NUTM1: variants seen among roughly 807,000 people sequenced by gnomAD.
The protein encoded by NUTM1 is NUT family member 1.
NUTM1 carries 39 observed loss-of-function variants against 88.7 expected under a neutral mutation model. The observed-to-expected ratio is 0.44, with a 90% CI of 0.34 to 0.57. The LOEUF is 0.57. Ranked by LOEUF, NUTM1 falls within the 20% of genes least tolerant of loss-of-function variation. The pLI is 0.01. For missense variants in NUTM1, 1,350 were observed against 1,414.5 expected (o/e 0.95, Z 0.73); for synonymous variants, 494 against 538.0 (o/e 0.92, Z 1.13).
intron 5 of NUTM1, 124 bp from the exon 6 acceptor site, chr15:34,354,322 A>T (rs1336899118): frequency 2.8e-6 from 3 of 1,072,964 alleles, no homozygotes; most frequent in African/African-American, 1.6e-5. Context: ...GGGAGGCAGA[A>T]GCTGTGGTTT....
rs1890769835 is a variant in NUTM1 at position 34,354,682 on chromosome 15, C to A, written c.1312C>A (p.Leu438Ile). The A allele has an allele frequency of 1.9e-6, 3 of 1,614,058 alleles. No homozygotes were observed. The highest frequency in any genetic ancestry group is 1.6e-4 in the Middle Eastern group (1 of 6,084). ...GGAAGGGATGTATCCAGATCCAGGT[C>A]TCCTGAGCTACATCAATGAGCTGTG... ...EEEGMYPDPGLLSYINELCSQ... is the reference protein window; with the variant it reads ...EEEGMYPDPGILSYINELCSQ... Residue 438 changes from leucine to isoleucine, a missense_variant, in exon 6 of 8, where the codon CTC (leucine) becomes ATC (isoleucine). This residue lies in a region of NUTM1 where 126 missense variants were observed against 189.8 expected (regional missense o/e 0.66). Coordinates refer to ENST00000537011, the MANE Select transcript of NUTM1 (RefSeq NM_001284292.2).
At position 34,356,895 on chromosome 15, in the gene NUTM1, A is replaced by AG; in HGVS notation, c.2890dup (p.Val964GlyfsTer4). The AG allele has an allele frequency of 6.2e-7, 1 of 1,613,476 alleles. No homozygotes were observed. The highest frequency in any genetic ancestry group is 8.5e-7 in the Non-Finnish European group (1 of 1,179,936). ...TTCTTATGACCCCCAAGGAGAAGGC[A>AG]GGGTGGATCCTGATCTGTCCAAGCC... On this transcript the variant is annotated frameshift_variant, in exon 8 of 8. Coordinates refer to ENST00000537011, the MANE Select transcript of NUTM1 (RefSeq NM_001284292.2). LOFTEE classifies it high-confidence loss of function.
Position 34,356,636 on chromosome 15 carries a change from T to C in NUTM1, c.2628T>C (p.Asp876=), listed in dbSNP as rs1208074507. 6.2e-7 allele frequency: 1 copy of C among 1,613,922 alleles called. No homozygotes were observed. The highest frequency in any genetic ancestry group is 2.2e-5 in the East Asian group (1 of 44,876). Residue 876 remains aspartate, a synonymous_variant, in exon 8 of 8, where the codon GAT becomes GAC. Transcript: ENST00000537011. ...GCTTCCCATTGCTAGAAAGTGGTGA[T>C]TCCACACTGGGGTCTTCCAAAGAAA... ...EGCFPLLESG[D]STLGSSKETL... is the part of the protein sequence containing the mutation.
chr15:34,354,523 C>G lies in NUTM1; in HGVS notation c.1153C>G (p.Pro385Ala). The stretch of plus-strand genomic sequence containing the variant: ...GCGTAAAGCCCAGAGACCTCCTGCT[C>G]CTGAGGCACCCAAGGAGATCCCACC... ...RQRKAQRPPA[P>A]EAPKEIPPEA... The change falls in exon 6 of 8, where the codon CCT (proline) becomes GCT (alanine). Residue 385 changes from proline (P) to alanine (A), a missense_variant. Coordinates refer to ENST00000537011, the MANE Select transcript of NUTM1 (RefSeq NM_001284292.2). The G allele has an allele frequency of 1.2e-6, 2 of 1,614,212 alleles. No individual in the cohort carries two copies. The highest frequency in any genetic ancestry group is 1.1e-5 in the South Asian group (1 of 91,080).
intron 2 of NUTM1, among the ~76,000 whole-genome samples, chr15:34,347,508 T>C (rs1024041852): frequency 7.9e-5 from 12 of 152,114 alleles, no homozygotes; most frequent in African/African-American, 2.9e-4. Context: ...TCCTTCCACC[T>C]TGGCCTCCCA....
chr15:34,353,617 A>AG, intron 4 of NUTM1, 119 bp from the exon 5 acceptor site: 1 of 1,193,900 alleles, frequency 8.4e-7, no homozygotes, highest in African/African-American at 1.5e-5. Flanking sequence ...GACATGACTT[A>AG]GGCAGACTTT....
Position 34,355,536 on chromosome 15 carries a change from G to C in NUTM1, c.1528G>C (p.Ala510Pro). 6.2e-7 allele frequency: 1 copy of C among 1,614,112 alleles called. No homozygotes were observed. Among genetic ancestry groups the C allele is most frequent in the Non-Finnish European group, 8.5e-7 (1 of 1,179,952 alleles). ...MALEEEEDAEAPPSFSGAQLD... is the reference protein window; with the variant it reads ...MALEEEEDAEPPPSFSGAQLD... ...CTTGGAAGAGGAGGAAGATGCAGAG[G>C]CGCCTCCAAGTTTCAGTGGCGCTCA... Residue 510 changes from alanine to proline, a missense_variant, in exon 8 of 8, where the codon GCG becomes CCG. By Grantham distance (27) the Ala-to-Pro change is conservative. This residue lies in a region of NUTM1 where 126 missense variants were observed against 189.8 expected (regional missense o/e 0.66). Transcript: ENST00000537011. This position sits in a 1 kb window ranked among gnomAD's most constrained non-coding sequence, Gnocchi z 4.3.
At chr15:34,353,986 G>A (rs550339880) in intron 5 of NUTM1, 114 bp downstream of exon 5, 1 of 1,224,720 alleles carries the variant, frequency 8.2e-7, no homozygotes, top group African/African-American at 1.5e-5. Flanking sequence ...TTTCCCTCTG[G>A]AGAGTGGCAT....
intron 4 of NUTM1, 150 bp from the exon 5 acceptor site, chr15:34,353,586 C>T: frequency 1.3e-6 from 1 of 793,134 alleles, no homozygotes; most frequent in South Asian, 1.7e-5. Flanking sequence ...GATTAAGCCA[C>T]CTGTGACCAC....
In NUTM1 at chr15:34,350,805, G is replaced by A. The variant is rs1276532599; in HGVS notation, c.911G>A (p.Arg304Gln). 6.8e-6 allele frequency: 11 copies of A among 1,613,946 alleles called. No individual in the cohort carries two copies. The highest frequency in any genetic ancestry group is 6.7e-5 in the African/African-American group (5 of 74,896). Residue 304 changes from arginine to glutamine, a missense_variant, in exon 4 of 8, where the codon CGG becomes CAG. Transcript: ENST00000537011. ...QEWEHTSNFD[R>Q]MIFYEMAERF... Reference sequence around the variant, plus strand: ...TGGGAGCACACCAGCAACTTTGACCGGATGATCTTTTATGAGATGGCAGAA... The same window carrying A: ...TGGGAGCACACCAGCAACTTTGACCAGATGATCTTTTATGAGATGGCAGAA...
chr15:34,353,132 G>A (rs917299032), intron 4 of NUTM1, among the ~76,000 whole-genome samples: 14 of 151,674 alleles, frequency 9.2e-5, no homozygotes, highest in African/African-American at 3.4e-4. Flanking sequence ...TGATCCGCCC[G>A]CCTCAGCCTC....
At position 34,354,432 on chromosome 15, in the gene NUTM1, A is replaced by G; in HGVS notation, c.1076-14A>G. 1 of 1,612,920 alleles carries G rather than the reference A, an allele frequency of 6.2e-7. No homozygotes were observed. Among genetic ancestry groups the G allele is most frequent in the Non-Finnish European group, 8.5e-7 (1 of 1,179,664 alleles). On this transcript the variant is annotated splice_polypyrimidine_tract_variant and intron_variant, in intron 5 of 7. Coordinates refer to ENST00000537011, the MANE Select transcript of NUTM1 (RefSeq NM_001284292.2). ...TGTGCTACTTCCCATTCTCCTGTCC[A>G]TCTCTTCCCTTAGTGTACATTCCGA...
At chr15:34,352,255 T>G (rs1890723038) in intron 4 of NUTM1, among the ~76,000 whole-genome samples, 2 of 152,150 alleles carry the variant, frequency 1.3e-5, no homozygotes, top group African/African-American at 4.8e-5. Flanking sequence ...TCCCAAAACC[T>G]TTTGGACCCA....
rs61737331 is a variant in NUTM1, at chr15:34,356,863, A to G, written c.2855A>G (p.Asn952Ser). The change falls in exon 8 of 8, where the codon AAT becomes AGT. Residue 952 changes from asparagine to serine, a missense_variant. Physicochemically the swap from Asn to Ser is conservative, Grantham distance 46. Transcript: ENST00000537011. The part of the protein sequence containing the change: ...LRVSEDTCPL[N>S]VHSYDPQGEG... ...GTCAGCGAGGACACCTGCCCACTGA[A>G]TGTTCATTCTTATGACCCCCAAGGA... 7.4e-3 allele frequency: 11,966 copies of G among 1,612,694 alleles called. 57 individuals carry two copies. Among genetic ancestry groups the G allele is most frequent in the Middle Eastern group, 0.011 (65 of 6,062 alleles).
rs573773021 is a variant in NUTM1 at position 34,356,156 on chromosome 15, G to A, written c.2148G>A (p.Met716Ile). 2 of 1,612,408 alleles carry A rather than the reference G, an allele frequency of 1.2e-6. No homozygotes were observed. Among genetic ancestry groups the A allele is most frequent in the African/African-American group, 2.7e-5 (2 of 75,022 alleles). The change falls in exon 8 of 8, where the codon ATG (methionine) becomes ATA (isoleucine). Residue 716 changes from methionine (M) to isoleucine (I), a missense_variant. This residue lies in a region of NUTM1 where 730 missense variants were observed against 728.8 expected (regional missense o/e 1.00). Transcript: ENST00000537011. ...CCTGGGAAGGCTCTTCAGGAGCCAT[G>A]TGGGGAGATGACAGAGGTACCCCCA... is the stretch of plus-strand genomic sequence containing the variant. The part of the protein sequence containing the change: ...AVPWEGSSGA[M>I]WGDDRGTPMA...
chr15:34,354,129 T>C (rs11633776), intron 5 of NUTM1, among the ~76,000 whole-genome samples: 19,341 of 152,108 alleles, frequency 0.13, 1,527 homozygotes, highest in Non-Finnish European at 0.19. Context: ...TAATACCTCA[T>C]CTGCCTAAGA....
intron 2 of NUTM1, among the ~76,000 whole-genome samples, chr15:34,346,446 T>G (rs1047230329): frequency 2.0e-5 from 3 of 150,786 alleles, no homozygotes; most frequent in African/African-American, 7.3e-5. Context: ...TTTGCCATGC[T>G]TGAGCTTATG....
Position 34,348,591 on chromosome 15 carries a change from CT to C in NUTM1, c.725del (p.Phe242SerfsTer38). The C allele has an allele frequency of 6.2e-7, 1 of 1,612,896 alleles. No homozygotes were observed. The highest frequency in any genetic ancestry group is 8.5e-7 in the Non-Finnish European group (1 of 1,180,036). ...AAATTTCCAAGGACGTTTATGAGAA[CT>C]TCCGTCAGTGGCAGCGTTACAAAGC... Reference protein sequence around the residue: ...SKISKDVYENFRQWQRYKALA... With the variant: ...SKISKDVYENXRQWQRYKALA... On this transcript the variant is annotated frameshift_variant, in exon 3 of 8. Coordinates refer to ENST00000537011, the MANE Select transcript of NUTM1 (RefSeq NM_001284292.2). LOFTEE classifies it high-confidence loss of function.
rs541383415 is a variant in NUTM1, at chr15:34,351,023, A to T, written c.938+191A>T. Reference sequence around the variant, plus strand: ...CACCTGAGGTCAGGAGTTCGAGAACAGCCTGGCCAACATGGCGAAACCCTG... The same window carrying T: ...CACCTGAGGTCAGGAGTTCGAGAACTGCCTGGCCAACATGGCGAAACCCTG... On this transcript the variant is annotated intron_variant, in intron 4 of 7. Transcript: ENST00000537011. Among the ~76,000 whole-genome samples the T allele has an allele frequency of 4.6e-5, 7 of 152,046 alleles. No homozygotes were observed. The East Asian group carries it at 1.4e-3, about 29-fold the overall frequency.
Sources: allele counts gnomAD v4.1 joint callset (sites outside exome capture counted in the v4.1 genomes callset), GRCh38; gene constraint gnomAD v4.1.1; regional missense constraint gnomAD v4.1.1; non-coding constraint Gnocchi (gnomAD v3.1); transcripts MANE v1.5; gene names NCBI Gene and HGNC (gene_info 2026-07-23, HGNC 2026-07-21).